The following ATP2B2 variants were observed in gnomAD, a reference collection of about 807,000 sequenced individuals.
The protein encoded by ATP2B2 is plasma membrane calcium-transporting ATPase 2.
In ATP2B2, 15 loss-of-function variants were observed where a neutral mutation model predicts 120.0. That is an observed-to-expected ratio of 0.12 (90% CI 0.08 to 0.19). ATP2B2 has a LOEUF of 0.19. ATP2B2 is among the 10% of genes least tolerant of loss of function. The pLI, the probability that ATP2B2 is intolerant of heterozygous loss-of-function variation, is 1.00. For missense variants in ATP2B2, 1,045 were observed against 1,719.8 expected, an observed-to-expected ratio of 0.61 and a Z score of 6.94; for synonymous variants, 694 against 700.3, an observed-to-expected ratio of 0.99 and a Z score of 0.14.
chr3:10,561,428 A>G (rs1455280797), intron 2 of ATP2B2, among the ~76,000 whole-genome samples: 1 of 152,192 alleles, frequency 6.6e-6, no homozygotes, highest in Non-Finnish European at 1.5e-5. Flanking sequence ...AATCCCTGCA[A>G]TGCCTGGCAC....
intron 1 of ATP2B2, among the ~76,000 whole-genome samples, chr3:10,683,657 C>T (rs1170909105): frequency 6.7e-6 from 1 of 149,092 alleles, no homozygotes; most frequent in Non-Finnish European, 1.5e-5. Flanking sequence ...CATTTTTTTA[C>T]CCAAAGCCTT....
chr3:10,524,930 C>A (rs1017770379), intron 3 of ATP2B2, among the ~76,000 whole-genome samples: 2 of 152,216 alleles, frequency 1.3e-5, no homozygotes, highest in African/African-American at 4.8e-5. Context: ...ATCCAACACT[C>A]AACCAACACC....
intron 1 of ATP2B2, among the ~76,000 whole-genome samples, chr3:10,649,216 C>T (rs2070392161): frequency 6.6e-6 from 1 of 152,196 alleles, no homozygotes; most frequent in Non-Finnish European, 1.5e-5. Flanking sequence ...GCATAAATTT[C>T]AATTAATTAA....
intron 1 of ATP2B2, among the ~76,000 whole-genome samples, chr3:10,638,845 T>C (rs531456038): frequency 6.6e-6 from 1 of 152,308 alleles, no homozygotes; most frequent in Admixed American, 6.5e-5. Flanking sequence ...GCAAAGAATA[T>C]TAGCAGGGAT....
intron 1 of ATP2B2, among the ~76,000 whole-genome samples, chr3:10,468,697 G>A (rs560413535): frequency 2.0e-5 from 3 of 152,342 alleles, no homozygotes; most frequent in East Asian, 3.9e-4. Context: ...TCACTCAGAC[G>A]GTGCTGGGAC....
intron 2 of ATP2B2, among the ~76,000 whole-genome samples, chr3:10,573,455 A>C (rs939257812): frequency 1.3e-5 from 2 of 152,186 alleles, no homozygotes; most frequent in Non-Finnish European, 1.5e-5. Flanking sequence ...CCCTGACTGC[A>C]TGCTCAGTCT....
chr3:10,580,748 C>A (rs1221712734), intron 2 of ATP2B2, among the ~76,000 whole-genome samples: 1 of 152,204 alleles, frequency 6.6e-6, no homozygotes, highest in African/African-American at 2.4e-5. Context: ...TTTCAGAGAT[C>A]ACATAGGTTT....
chr3:10,521,352 T>C (rs2066981452), intron 3 of ATP2B2, among the ~76,000 whole-genome samples: 1 of 152,232 alleles, frequency 6.6e-6, no homozygotes, highest in South Asian at 2.1e-4. Context: ...GCAGGCTATC[T>C]TTGAGGATAA....
At position 10,635,368 on chromosome 3, in the gene ATP2B2, G is replaced by C. The variant is rs554165851; in HGVS notation, c.-459-15407C>G. ...AGGAATGTTGCACCCCAAGTAATCAGAAAACAGCTCTAAAAGCCTCCTGCA... is the reference window on the plus strand; with the variant it reads ...AGGAATGTTGCACCCCAAGTAATCACAAAACAGCTCTAAAAGCCTCCTGCA... On this transcript the variant is annotated intron_variant, in intron 1 of 21. Transcript: ENST00000646379. This position sits in a 1 kb window ranked among gnomAD's most constrained non-coding sequence, Gnocchi z 4.3. Among the ~76,000 whole-genome samples the C allele has an allele frequency of 9.9e-5, 15 of 152,230 alleles. No individual in the cohort carries two copies. The highest frequency in any genetic ancestry group is 3.1e-4 in the African/African-American group (13 of 41,528).
intron 1 of ATP2B2, among the ~76,000 whole-genome samples, chr3:10,664,099 G>A (rs938744728): frequency 1.9e-4 from 29 of 152,022 alleles, no homozygotes; most frequent in African/African-American, 6.8e-4. Context: ...CGGAAATAGA[G>A]GCTCAGGGAG....
At chr3:10,498,047 G>T (rs1219856462) in intron 1 of ATP2B2, among the ~76,000 whole-genome samples, 8 of 152,282 alleles carry the variant, frequency 5.3e-5, no homozygotes, top group African/African-American at 1.9e-4. Flanking sequence ...GTATATTTAA[G>T]AAATAAAAGG....
At chr3:10,445,874 T>C (rs1347559996) in intron 2 of ATP2B2, among the ~76,000 whole-genome samples, 1 of 152,150 alleles carries the variant, frequency 6.6e-6, no homozygotes, top group East Asian at 1.9e-4. Flanking sequence ...AAACTGGGGC[T>C]GGGGCTGTGC....
chr3:10,576,923 G>C (rs541483239), intron 2 of ATP2B2, among the ~76,000 whole-genome samples: 1 of 151,908 alleles, frequency 6.6e-6, no homozygotes, highest in African/African-American at 2.4e-5. Context: ...GTATGGTGGC[G>C]GGTGCCTGTA....
chr3:10,647,078 T>C (rs77356194), intron 1 of ATP2B2, among the ~76,000 whole-genome samples: 3,559 of 151,172 alleles, frequency 0.024, 70 homozygotes, highest in South Asian at 0.087. Flanking sequence ...GTGGGAGCAA[T>C]GGGGGTAGGG....
At chr3:10,467,600 A>G (rs188954682) in intron 1 of ATP2B2, among the ~76,000 whole-genome samples, 40 of 152,324 alleles carry the variant, frequency 2.6e-4, no homozygotes, top group Non-Finnish European at 4.7e-4. Flanking sequence ...GGAAAGAACA[A>G]GATTTCCTGG....
chr3:10,397,517 G>C (rs2062077519), intron 5 of ATP2B2, among the ~76,000 whole-genome samples: 1 of 152,194 alleles, frequency 6.6e-6, no homozygotes, highest in Non-Finnish European at 1.5e-5. Context: ...AGGTGGTCAG[G>C]GGGTGACTGC....
intron 2 of ATP2B2, among the ~76,000 whole-genome samples, chr3:10,438,749 A>T (rs1182652543): frequency 6.6e-6 from 1 of 152,168 alleles, no homozygotes; most frequent in Non-Finnish European, 1.5e-5. Context: ...GGATCTCTCC[A>T]GCTGAACTCG....
intron 2 of ATP2B2, among the ~76,000 whole-genome samples, chr3:10,557,507 C>T (rs4455309): frequency 0.37 from 56,823 of 151,912 alleles, 10,917 homozygotes; most frequent in South Asian, 0.45. Flanking sequence ...GACAGAGCTC[C>T]TGGAGAGGTC....
At chr3:10,672,836 C>G (rs77373254) in intron 1 of ATP2B2, among the ~76,000 whole-genome samples, 4,041 of 152,338 alleles carry the variant, frequency 0.027, 78 homozygotes, top group Non-Finnish European at 0.037. Flanking sequence ...TCTCTAACAA[C>G]AGAGGAATCT....
Sources: gnomAD v4.1 joint callset for allele counts (sites outside exome capture counted in the v4.1 genomes callset) on GRCh38, gnomAD v4.1.1 for gene constraint, Gnocchi (gnomAD v3.1) non-coding constraint, MANE v1.5 for transcripts, NCBI Gene and HGNC (gene_info 2026-07-23, HGNC 2026-07-21) for gene names.